Variants in IL1RAPL2 observed in about 807,000 individuals in gnomAD.
IL1RAPL2 encodes interleukin 1 receptor accessory protein like 2, also known as X-linked interleukin-1 receptor accessory protein-like 2.
Under a neutral mutation model 44.1 loss-of-function variants are expected in IL1RAPL2, and 3 were observed. The observed-to-expected ratio is 0.07, with a 90% CI of 0.03 to 0.18. The LOEUF is 0.18. Among genes scored for constraint, IL1RAPL2 ranks in the 10% least tolerant of loss-of-function variants. The pLI, the probability that IL1RAPL2 is intolerant of heterozygous loss-of-function variation, is 1.00. For synonymous variants in IL1RAPL2, 181 were observed against 178.8 expected, an observed-to-expected ratio of 1.01 and a Z score of -0.10; for missense variants, 391 against 496.4, an observed-to-expected ratio of 0.79 and a Z score of 2.02.
chrX:105,244,595 A>G (rs1225217868), intron 4 of IL1RAPL2, among the ~76,000 whole-genome samples: 3 of 111,546 alleles, frequency 2.7e-5, no homozygotes, highest in African/African-American at 9.8e-5. Context: ...GAGAGAACTT[A>G]ACCACGATCC....
At position 104,793,465 on chromosome X, in the gene IL1RAPL2, C is replaced by T. The variant is rs538488570; in HGVS notation, c.82+134470C>T. Among the ~76,000 whole-genome samples, 163 of 111,789 alleles carry T rather than the reference C, an allele frequency of 1.5e-3. 1 individual carries two copies. Among genetic ancestry groups the T allele is most frequent in the African/African-American group, 4.9e-3 (151 of 30,767 alleles). On this transcript the variant is annotated intron_variant, in intron 2 of 10. Transcript: ENST00000372582. ...GTGGATCAAGGTGGAAATCATGTACCTATTTGTAGTCTACTCAAAGTATAC... is the reference window on the plus strand; with the variant it reads ...GTGGATCAAGGTGGAAATCATGTACTTATTTGTAGTCTACTCAAAGTATAC...
chrX:105,245,344 C>T (rs1262932843), intron 4 of IL1RAPL2, among the ~76,000 whole-genome samples: 2 of 111,563 alleles, frequency 1.8e-5, no homozygotes, highest in African/African-American at 6.5e-5. Context: ...CATTCTGTGC[C>T]TGCACGTAAT....
chrX:104,727,728 A>T (rs1259737723), intron 2 of IL1RAPL2, among the ~76,000 whole-genome samples: 1 of 111,535 alleles, frequency 9.0e-6, no homozygotes, highest in Admixed American at 9.6e-5. Flanking sequence ...TTTGGTACAT[A>T]TGCACCATGG....
chrX:104,737,602 A>G (rs1032690887), intron 2 of IL1RAPL2, among the ~76,000 whole-genome samples: 6 of 112,111 alleles, frequency 5.4e-5, no homozygotes, highest in African/African-American at 1.9e-4. Context: ...AGGGATGAAT[A>G]GATGACAGTT....
chrX:105,181,695 T>A (rs1390627778), intron 2 of IL1RAPL2, among the ~76,000 whole-genome samples: 3 of 111,407 alleles, frequency 2.7e-5, no homozygotes, highest in Non-Finnish European at 3.8e-5. Context: ...TTTTAACTTT[T>A]AAAAAAATAT....
At chrX:105,307,194 T>C (rs1271045763) in intron 5 of IL1RAPL2, among the ~76,000 whole-genome samples, 4 of 106,934 alleles carry the variant, frequency 3.7e-5, no homozygotes, top group Non-Finnish European at 5.7e-5. Flanking sequence ...AGGATTACAA[T>C]TGTCAATGAG....
chrX:105,755,082 A>T, intron 9 of IL1RAPL2, 95 bp from the exon 10 acceptor site: 1 of 534,137 alleles, frequency 1.9e-6, no homozygotes, highest in East Asian at 3.4e-5. Flanking sequence ...CCAATTATTA[A>T]AGACGGTCAC....
chrX:104,761,973 TTCTTCTTCTTCCTCCTCC>T (rs1569309973), intron 2 of IL1RAPL2, among the ~76,000 whole-genome samples: 1 of 86,001 alleles, frequency 1.2e-5, no homozygotes, highest in East Asian at 3.5e-4. Flanking sequence ...CTTCTTCTTC[TTCTTCTTCTTCCTCCTCC>T]TCCTCTTCTT....
chrX:104,800,335 TG>T (rs1490980306), intron 2 of IL1RAPL2, among the ~76,000 whole-genome samples: 2 of 110,616 alleles, frequency 1.8e-5, no homozygotes, highest in Admixed American at 9.7e-5. Flanking sequence ...AGATTATATA[TG>T]TATAGCATAC....
intron 1 of IL1RAPL2, among the ~76,000 whole-genome samples, chrX:104,574,223 T>C (rs1928201821): frequency 9.0e-6 from 1 of 111,230 alleles, no homozygotes; most frequent in African/African-American, 3.3e-5. Flanking sequence ...AAAATATCTG[T>C]GACACATAAC....
chrX:105,716,171 T>A (rs1368467184), intron 6 of IL1RAPL2, among the ~76,000 whole-genome samples: 1 of 111,596 alleles, frequency 9.0e-6, no homozygotes, highest in Non-Finnish European at 1.9e-5. Context: ...AAAAACTGCA[T>A]ACCAAGAAGT....
chrX:104,680,284 C>T (rs1930867522), intron 2 of IL1RAPL2, among the ~76,000 whole-genome samples: 1 of 111,817 alleles, frequency 8.9e-6, no homozygotes, highest in Non-Finnish European at 1.9e-5. Context: ...TCCAGTGGTT[C>T]TTAATTTGGA....
intron 1 of IL1RAPL2, among the ~76,000 whole-genome samples, chrX:104,582,050 A>C (rs1928357189): frequency 8.9e-6 from 1 of 111,805 alleles, no homozygotes. Context: ...TAAAGGATAT[A>C]CTTGAAATTT....
At chrX:104,906,247 C>G (rs1369699149) in intron 2 of IL1RAPL2, among the ~76,000 whole-genome samples, 1 of 111,456 alleles carries the variant, frequency 9.0e-6, no homozygotes, top group Non-Finnish European at 1.9e-5. Context: ...ATGTCATCTG[C>G]AAACGGGGAC....
chrX:105,059,280 C>T (rs988801042), intron 2 of IL1RAPL2, among the ~76,000 whole-genome samples: 1 of 111,680 alleles, frequency 9.0e-6, no homozygotes, highest in African/African-American at 3.3e-5. Flanking sequence ...ACCCCCAGTA[C>T]CCTTCAGAGC....
chrX:105,502,263 A>G (rs2036400679), intron 6 of IL1RAPL2, among the ~76,000 whole-genome samples: 1 of 112,074 alleles, frequency 8.9e-6, no homozygotes, highest in Non-Finnish European at 1.9e-5. Context: ...AAATATTTGA[A>G]TAAACTAGCA....
At chrX:105,590,388 T>C (rs1361509487) in intron 6 of IL1RAPL2, among the ~76,000 whole-genome samples, 1 of 110,972 alleles carries the variant, frequency 9.0e-6, no homozygotes, top group Non-Finnish European at 1.9e-5. Flanking sequence ...TTGCTCTAAA[T>C]AGGATTTCCA....
At chrX:105,149,664 T>C (rs2033209031) in intron 2 of IL1RAPL2, among the ~76,000 whole-genome samples, 1 of 109,643 alleles carries the variant, frequency 9.1e-6, no homozygotes, top group Admixed American at 9.8e-5. Context: ...AAACCCCATC[T>C]CAACTGAAAA....
At chrX:104,696,582 C>A (rs1281142088) in intron 2 of IL1RAPL2, among the ~76,000 whole-genome samples, 1 of 112,291 alleles carries the variant, frequency 8.9e-6, no homozygotes, top group Non-Finnish European at 1.9e-5. Context: ...AATTATCCAT[C>A]TAAGACAGGG....
Sources: allele counts gnomAD v4.1 joint callset (sites outside exome capture counted in the v4.1 genomes callset), GRCh38; gene constraint gnomAD v4.1.1; transcripts MANE v1.5; gene names NCBI Gene and HGNC (gene_info 2026-07-23, HGNC 2026-07-21).